CCSER1: variants seen among roughly 807,000 people sequenced by gnomAD.
The protein encoded by CCSER1 is serine-rich coiled-coil domain-containing protein 1.
CCSER1 carries 41 observed loss-of-function variants against 82.0 expected under a neutral mutation model. That is an observed-to-expected ratio of 0.50 (90% confidence interval 0.39 to 0.65). The LOEUF (loss-of-function observed/expected upper bound fraction) is 0.65, where lower values mean the gene tolerates loss of function less well. Among genes scored for constraint, CCSER1 ranks in the 30% least tolerant of loss-of-function variants. The pLI is 0.00. For missense variants in CCSER1, 1,119 were observed against 1,064.2 expected, an observed-to-expected ratio of 1.05 and a Z score of -0.72; for synonymous variants, 414 against 383.9, an observed-to-expected ratio of 1.08 and a Z score of -0.92.
intron 10 of CCSER1, among the ~76,000 whole-genome samples, chr4:91,433,591 A>G (rs773991959): frequency 6.6e-6 from 1 of 152,210 alleles, no homozygotes; most frequent in Non-Finnish European, 1.5e-5. Flanking sequence ...AACATTTACC[A>G]TGTGTTACAG....
chr4:90,211,070 G>A (rs746012090), intron 1 of CCSER1, among the ~76,000 whole-genome samples: 3 of 151,968 alleles, frequency 2.0e-5, no homozygotes, highest in Non-Finnish European at 4.4e-5. Flanking sequence ...AGGCATTTTT[G>A]TTTTACATAG....
At chr4:91,286,364 G>A (rs1208334845) in intron 10 of CCSER1, among the ~76,000 whole-genome samples, 2 of 151,782 alleles carry the variant, frequency 1.3e-5, no homozygotes, top group Non-Finnish European at 2.9e-5. Flanking sequence ...CAGAGAAAAC[G>A]CTTGATGAAG....
At position 91,459,108 on chromosome 4, in the gene CCSER1, A is replaced by G. The variant is rs1756358851; in HGVS notation, c.2218-139464A>G. On this transcript the variant is annotated intron_variant, in intron 10 of 10. Transcript: ENST00000509176. Reference sequence around the variant, plus strand: ...ATAATCAAAAAATTCTGTGCATAAAATGTGACTTATAACAATTTGTTTACA... The same window carrying G: ...ATAATCAAAAAATTCTGTGCATAAAGTGTGACTTATAACAATTTGTTTACA... Among the ~76,000 whole-genome samples the G allele has an allele frequency of 2.0e-5, 3 of 149,844 alleles. No individual in the cohort carries two copies. In the Admixed American group the frequency reaches 2.0e-4, roughly 10 times the overall value.
intron 6 of CCSER1, among the ~76,000 whole-genome samples, chr4:90,682,001 G>GA (rs965905341): frequency 1.0e-4 from 15 of 149,664 alleles, no homozygotes; most frequent in Admixed American, 2.0e-4. Flanking sequence ...CAGACTGAAA[G>GA]AAAAAAAAAT....
intron 10 of CCSER1, among the ~76,000 whole-genome samples, chr4:91,303,589 C>G (rs903370305): frequency 6.6e-6 from 1 of 151,750 alleles, no homozygotes; most frequent in African/African-American, 2.4e-5. Flanking sequence ...AGTTCAAGAC[C>G]GGCCTTGGCA....
intron 10 of CCSER1, among the ~76,000 whole-genome samples, chr4:91,322,878 G>A (rs6532293): frequency 0.78 from 118,891 of 152,018 alleles, 47,252 homozygotes; most frequent in African/African-American, 0.93. Flanking sequence ...TGATCAAATA[G>A]ACTGTAAGGA....
chr4:91,400,518 T>C, intron 10 of CCSER1, among the ~76,000 whole-genome samples: 1 of 149,558 alleles, frequency 6.7e-6, no homozygotes, highest in Non-Finnish European at 1.5e-5. Flanking sequence ...ATATTATTGA[T>C]CATTTATTAT....
chr4:91,057,804 A>G (rs1180861771), intron 9 of CCSER1, among the ~76,000 whole-genome samples: 1 of 152,116 alleles, frequency 6.6e-6, no homozygotes, highest in Non-Finnish European at 1.5e-5. Context: ...TTTTCACCAT[A>G]CATGTGTGTG....
chr4:90,698,889 G>A (rs768512419), intron 6 of CCSER1, among the ~76,000 whole-genome samples: 3 of 152,114 alleles, frequency 2.0e-5, no homozygotes, highest in Non-Finnish European at 4.4e-5. Flanking sequence ...AGGATGGCTT[G>A]AGACTAGGAG....
At chr4:91,381,216 T>C (rs986097515) in intron 10 of CCSER1, among the ~76,000 whole-genome samples, 1 of 152,146 alleles carries the variant, frequency 6.6e-6, no homozygotes, top group African/African-American at 2.4e-5. Flanking sequence ...AATCTGACAA[T>C]TATGTGTCTT....
chr4:90,985,359 T>C (rs1736497488), intron 9 of CCSER1, among the ~76,000 whole-genome samples: 1 of 151,646 alleles, frequency 6.6e-6, no homozygotes, highest in Non-Finnish European at 1.5e-5. Context: ...ATCAGATTTT[T>C]TTTTTCTTCT....
chr4:91,380,129 T>C (rs978516562), intron 10 of CCSER1, among the ~76,000 whole-genome samples: 1 of 152,218 alleles, frequency 6.6e-6, no homozygotes, highest in African/African-American at 2.4e-5. Flanking sequence ...TTATAATTTC[T>C]GTTCTTTTAC....
At chr4:91,211,274 G>T (rs1736801201) in intron 10 of CCSER1, among the ~76,000 whole-genome samples, 1 of 152,026 alleles carries the variant, frequency 6.6e-6, no homozygotes, top group Admixed American at 6.6e-5. Flanking sequence ...GTGAGAATCT[G>T]TTGGATTTGA....
intron 10 of CCSER1, among the ~76,000 whole-genome samples, chr4:91,445,390 C>CTTTTTTTTTTTTTTTTTTTTTTTTTT (rs5860235): frequency 7.0e-6 from 1 of 141,904 alleles, no homozygotes; most frequent in African/African-American, 2.6e-5. Flanking sequence ...ATAGTAATTC[C>CTTTTTTTTTTTTTTTTTTTTTTTTTT]TTTTTTTTTT....
chr4:90,206,071 A>T (rs200114554), intron 1 of CCSER1, among the ~76,000 whole-genome samples: 2 of 138,352 alleles, frequency 1.4e-5, no homozygotes, highest in African/African-American at 5.9e-5. Context: ...TATTGTGTCT[A>T]TTTGATTCTT....
intron 1 of CCSER1, among the ~76,000 whole-genome samples, chr4:90,197,067 A>T (rs1736755783): frequency 6.6e-6 from 1 of 152,072 alleles, no homozygotes; most frequent in Non-Finnish European, 1.5e-5. Flanking sequence ...TGACCAGTTG[A>T]TTATAAATTA....
intron 1 of CCSER1, among the ~76,000 whole-genome samples, chr4:90,304,626 C>T (rs903129092): frequency 6.6e-5 from 10 of 151,862 alleles, no homozygotes; most frequent in African/African-American, 1.9e-4. Context: ...GGAAGGGGAA[C>T]ATCACACTCT....
At chr4:90,521,103 A>G (rs1040213081) in intron 5 of CCSER1, among the ~76,000 whole-genome samples, 23 of 152,190 alleles carry the variant, frequency 1.5e-4, no homozygotes, top group African/African-American at 2.4e-5. Context: ...TTGAAAAATA[A>G]ACACTCAATT....
chr4:91,370,807 G>A (rs1749986042), intron 10 of CCSER1, among the ~76,000 whole-genome samples: 1 of 152,018 alleles, frequency 6.6e-6, no homozygotes, highest in African/African-American at 2.4e-5. Context: ...ATCACATAAG[G>A]TTAAATGGGA....
Sources: allele counts gnomAD v4.1 joint callset (sites outside exome capture counted in the v4.1 genomes callset), GRCh38; gene constraint gnomAD v4.1.1; transcripts MANE v1.5; gene names NCBI Gene and HGNC (gene_info 2026-07-23, HGNC 2026-07-21).